The following NUDT19 variants were observed in gnomAD, a reference collection of about 807,000 sequenced individuals.
NUDT19 encodes the protein acyl-coenzyme A diphosphatase NUDT19.
A neutral mutation model predicts 22.2 loss-of-function variants in NUDT19; 31 were observed. That is an observed-to-expected ratio of 1.40 (90% CI 1.05 to 1.89). The LOEUF is 1.89. Ranked by LOEUF, NUDT19 falls within the 40% of genes most tolerant of loss-of-function variation. The pLI, the probability that NUDT19 is intolerant of heterozygous loss-of-function variation, is 0.00. For missense variants in NUDT19, 752 were observed against 514.2 expected, an observed-to-expected ratio of 1.46 and a Z score of -4.47; for synonymous variants, 325 against 230.8, an observed-to-expected ratio of 1.41 and a Z score of -3.70.
At chr19:32,707,575 T>C (rs1599802262) in intron 1 of NUDT19, among the ~76,000 whole-genome samples, 1 of 152,300 alleles carries the variant, frequency 6.6e-6, no homozygotes, top group East Asian at 1.9e-4. Context: ...CCAGGCGCGG[T>C]GGCTCACACC....
At chr19:32,700,187 G>A (rs1357318386) in intron 1 of NUDT19, among the ~76,000 whole-genome samples, 1 of 152,192 alleles carries the variant, frequency 6.6e-6, no homozygotes, top group Non-Finnish European at 1.5e-5. Context: ...CCCTTATTTG[G>A]CCCTGCCCAC....
rs1261644119 is a variant in NUDT19, at chr19:32,704,369, C to T, written c.715-4816C>T. Among the ~76,000 whole-genome samples, 5 of 152,018 alleles carry T rather than the reference C, an allele frequency of 3.3e-5. No homozygotes were observed. The East Asian group carries it at 9.7e-4, about 30-fold the overall frequency. Reference sequence around the variant, plus strand: ...CTCTGCCTCCCAGATTCAAGCAATTCTCCTGCCTCAGCCTCCTGAGTAGCT... The same window carrying T: ...CTCTGCCTCCCAGATTCAAGCAATTTTCCTGCCTCAGCCTCCTGAGTAGCT... On this transcript the variant is annotated intron_variant, in intron 1 of 2. Coordinates refer to ENST00000397061, the MANE Select transcript of NUDT19 (RefSeq NM_001105570.2).
intron 2 of NUDT19, among the ~76,000 whole-genome samples, chr19:32,710,761 C>T (rs1358753602): frequency 3.3e-5 from 5 of 151,742 alleles, no homozygotes; most frequent in South Asian, 2.1e-4. Flanking sequence ...GGCATGGGGG[C>T]GCATGCCTAT....
rs763433865 is a variant in NUDT19, at chr19:32,692,337, T to C, written c.377T>C (p.Ile126Thr). The C allele has an allele frequency of 6.3e-7, 1 of 1,591,680 alleles. No individual in the cohort carries two copies. The highest frequency in any genetic ancestry group is 1.4e-5 in the African/African-American group (1 of 73,582). Residue 126 changes from isoleucine to threonine, a missense_variant, in exon 1 of 3, where the codon ATC becomes ACC. Coordinates refer to ENST00000397061, the MANE Select transcript of NUDT19 (RefSeq NM_001105570.2). ...CTGCCTGAGGACGTAGCCTTCCGCA[T>C]CTGCGCCGTGCGGGAGGCCTTTGAG... is the stretch of plus-strand genomic sequence containing the variant. ...GTLPEDVAFR[I>T]CAVREAFEEA...
Position 32,692,667 on chromosome 19 carries a change from G to C in NUDT19, c.707G>C (p.Gly236Ala). The C allele has an allele frequency of 6.6e-7, 1 of 1,506,784 alleles. No individual in the cohort carries two copies. The allele number at this position is 1,506,784 out of a possible 1,614,324, so 93.3% of individuals were successfully genotyped here. A position where few individuals can be genotyped will look rare whatever the true frequency, so the allele number is the denominator to read the frequency against. ...TACCCCGACTTGGCGGAGGTGGTGG[G>C]CTACCAGGTAAGGCCTGCTCAGGGC... is the stretch of plus-strand genomic sequence containing the variant. ...PVYPDLAEVV[G>A]YQWSSPSEAT... is the part of the protein sequence containing the mutation. The change falls in exon 1 of 3, where the codon GGC becomes GCC. Residue 236 changes from glycine (G) to alanine (A), a missense_variant. By Grantham distance (60) the Gly-to-Ala change is moderately conservative. Coordinates refer to ENST00000397061, the MANE Select transcript of NUDT19 (RefSeq NM_001105570.2).
In NUDT19 at chr19:32,692,672, C is replaced by T. The variant is rs1178488199; in HGVS notation, c.712C>T (p.Gln238Ter). Residue 238 changes from glutamine (Q) to a stop codon, truncating the protein, a stop_gained and splice_region_variant, in exon 1 of 3, where the codon CAG (glutamine) becomes TAG (stop). Transcript: ENST00000397061. LOFTEE classifies it high-confidence loss of function. The part of the protein sequence containing the change: ...YPDLAEVVGY[Q>*]WSSPSEATES... ...CGACTTGGCGGAGGTGGTGGGCTACCAGGTAAGGCCTGCTCAGGGCCTTGC... is the reference window on the plus strand; with the variant it reads ...CGACTTGGCGGAGGTGGTGGGCTACTAGGTAAGGCCTGCTCAGGGCCTTGC... 1 of 1,494,320 alleles carries T rather than the reference C, an allele frequency of 6.7e-7. No homozygotes were observed. The highest frequency in any genetic ancestry group is 2.5e-5 in the East Asian group (1 of 40,496). 92.6% of individuals were successfully genotyped at this position (1,494,320 alleles called of 1,614,324 possible).
intron 1 of NUDT19, among the ~76,000 whole-genome samples, chr19:32,702,700 T>C (rs1262772802): frequency 1.3e-5 from 2 of 152,252 alleles, no homozygotes; most frequent in Non-Finnish European, 2.9e-5. Flanking sequence ...TTGGAGTGTT[T>C]ATTTAAATTT....
chr19:32,707,119 T>TA (rs1268651476), intron 1 of NUDT19, among the ~76,000 whole-genome samples: 6 of 152,228 alleles, frequency 3.9e-5, no homozygotes, highest in African/African-American at 1.4e-4. Context: ...TAGTAAGAAG[T>TA]AATCAGTAAG....
chr19:32,698,601 A>T (rs1386515781), intron 1 of NUDT19, among the ~76,000 whole-genome samples: 1 of 141,576 alleles, frequency 7.1e-6, no homozygotes. Context: ...AGCAGAAACA[A>T]CCCCTGCCCA....
chr19:32,708,690 T>A (rs1309133635), intron 1 of NUDT19, among the ~76,000 whole-genome samples: 1 of 152,154 alleles, frequency 6.6e-6, no homozygotes, highest in Non-Finnish European at 1.5e-5. Context: ...GTGGCACACA[T>A]CACCACATCA....
chr19:32,700,818 T>C (rs1027257091), intron 1 of NUDT19, among the ~76,000 whole-genome samples: 6 of 152,122 alleles, frequency 3.9e-5, no homozygotes, highest in African/African-American at 7.2e-5. Context: ...AGAGGATCAA[T>C]TGAGCTCAAG....
At position 32,691,979 on chromosome 19, in the gene NUDT19, C is replaced by A; in HGVS notation, c.19C>A (p.Pro7Thr). ...GCGCGCCATGAGCAGCTCCCTGCGG[C>A]CGGGCCCCAGCCGCTGGCGGCGGGC... MSSSLRPGPSRWRRAAS... is the reference protein window; with the variant it reads MSSSLRTGPSRWRRAAS... Residue 7 changes from proline to threonine, a missense_variant, in exon 1 of 3, where the codon CCG (proline) becomes ACG (threonine). Physicochemically the swap from Pro to Thr is conservative, Grantham distance 38. Transcript: ENST00000397061. 8.1e-7 allele frequency: 1 copy of A among 1,233,064 alleles called. No homozygotes were observed. Among genetic ancestry groups the A allele is most frequent in the Non-Finnish European group, 1.0e-6 (1 of 990,258 alleles). 76.4% of individuals were successfully genotyped at this position (1,233,064 alleles called of 1,614,324 possible).
chr19:32,693,015 T>G (rs1968219112), intron 1 of NUDT19, among the ~76,000 whole-genome samples: 1 of 149,418 alleles, frequency 6.7e-6, no homozygotes, highest in Non-Finnish European at 1.5e-5. Flanking sequence ...AGACTTAATA[T>G]GATCCAGTCT....
In NUDT19 at chr19:32,692,508, C is replaced by T. The variant is rs762663318; in HGVS notation, c.548C>T (p.Ala183Val). 5.1e-6 allele frequency: 8 copies of T among 1,560,254 alleles called. No homozygotes were observed. The East Asian group carries it at 1.7e-4, about 33-fold the overall frequency. ...CCGCGCCACTTCCTGCGGCTGTGCG[C>T]CCACCTCGACTGCACACCCGACATC... ...QDPRHFLRLC[A>V]HLDCTPDIWA... The change falls in exon 1 of 3, where the codon GCC (alanine) becomes GTC (valine). Residue 183 changes from alanine (A) to valine (V), a missense_variant. By Grantham distance (64) the Ala-to-Val change is moderately conservative (BLOSUM62 0). Coordinates refer to ENST00000397061, the MANE Select transcript of NUDT19 (RefSeq NM_001105570.2).
At chr19:32,698,985 C>T (rs908666012) in intron 1 of NUDT19, among the ~76,000 whole-genome samples, 2 of 152,082 alleles carry the variant, frequency 1.3e-5, no homozygotes, top group Non-Finnish European at 2.9e-5. Context: ...CCTTTTATCC[C>T]CAGTTATATG....
chr19:32,707,574 G>A (rs1335146869), intron 1 of NUDT19, among the ~76,000 whole-genome samples: 2 of 152,192 alleles, frequency 1.3e-5, no homozygotes, highest in Non-Finnish European at 2.9e-5. Context: ...GCCAGGCGCG[G>A]TGGCTCACAC....
At chr19:32,697,550 C>T (rs1568432387) in intron 1 of NUDT19, among the ~76,000 whole-genome samples, 1 of 152,178 alleles carries the variant, frequency 6.6e-6, no homozygotes, top group Non-Finnish European at 1.5e-5. Context: ...ATGTTTACGA[C>T]TCCAGTCCCC....
intron 1 of NUDT19, among the ~76,000 whole-genome samples, chr19:32,707,844 G>A (rs1269184273): frequency 1.3e-5 from 2 of 152,040 alleles, no homozygotes; most frequent in South Asian, 2.1e-4. Flanking sequence ...CGGGCGTGGT[G>A]GCAGGCACCT....
chr19:32,698,413 C>T (rs909418903), intron 1 of NUDT19, among the ~76,000 whole-genome samples: 24 of 152,056 alleles, frequency 1.6e-4, no homozygotes, highest in Admixed American at 7.2e-4. Flanking sequence ...AAGACAAAAC[C>T]GCCTGTGGTT....
Sources: gnomAD v4.1 joint callset for allele counts (sites outside exome capture counted in the v4.1 genomes callset) on GRCh38, gnomAD v4.1.1 for gene constraint, MANE v1.5 for transcripts, NCBI Gene and HGNC (gene_info 2026-07-23, HGNC 2026-07-21) for gene names.